Variants in DMD observed in about 807,000 individuals in gnomAD.
DMD encodes dystrophin.
A neutral mutation model predicts 330.1 loss-of-function variants in DMD; 63 were observed. The ratio of observed to expected loss-of-function variants is 0.19; its 90% CI spans 0.16 to 0.24. The LOEUF is 0.24. Ranked by LOEUF, DMD falls within the 10% of genes least tolerant of loss-of-function variation. The pLI, the probability that DMD is intolerant of heterozygous loss-of-function variation, is 1.00. For missense variants in DMD, 3,344 were observed against 2,684.1 expected, an observed-to-expected ratio of 1.25 and a Z score of -5.43; for synonymous variants, 1,223 against 959.8, an observed-to-expected ratio of 1.27 and a Z score of -5.07.
chrX:32,681,665 C>A (rs192677915), intron 9 of DMD, among the ~76,000 whole-genome samples: 1 of 111,647 alleles, frequency 9.0e-6, no homozygotes, highest in African/African-American at 3.3e-5. Flanking sequence ...ATAAAAGAAA[C>A]GTGATGCTTT....
rs188561525 is a variant in DMD, at chrX:31,778,085, C to A, written c.7310-3893G>T. Among the ~76,000 whole-genome samples, 39 of 112,521 alleles carry A rather than the reference C, an allele frequency of 3.5e-4. No individual in the cohort carries two copies. The East Asian group carries it at 0.01, about 29-fold the overall frequency. ...TTCTCTCCTGTTTCCAGACAAAAAT[C>A]TCATTTTCTCTTTAAATGTCAACTC... On this transcript the variant is annotated intron_variant, in intron 50 of 78. Coordinates refer to ENST00000357033, the MANE Select transcript of DMD (RefSeq NM_004006.3).
chrX:31,380,842 A>C (rs1220612647), intron 60 of DMD, among the ~76,000 whole-genome samples: 2 of 109,706 alleles, frequency 1.8e-5, no homozygotes, highest in African/African-American at 6.6e-5. Flanking sequence ...AGGCTCAGCA[A>C]ATTACCTGGG....
At chrX:32,857,695 A>G (rs1222973535) in intron 2 of DMD, among the ~76,000 whole-genome samples, 1 of 111,858 alleles carries the variant, frequency 8.9e-6, no homozygotes, top group Non-Finnish European at 1.9e-5. Flanking sequence ...GTTTATTCAA[A>G]AAGAGGAGCA....
At chrX:32,651,669 A>G (rs1287298245) in intron 9 of DMD, among the ~76,000 whole-genome samples, 1 of 111,552 alleles carries the variant, frequency 9.0e-6, no homozygotes, top group Non-Finnish European at 1.9e-5. Context: ...CCCAGATGGT[A>G]GTACAGACCC....
At chrX:32,086,916 C>T (rs140115968) in intron 44 of DMD, among the ~76,000 whole-genome samples, 3 of 111,700 alleles carry the variant, frequency 2.7e-5, no homozygotes, top group Non-Finnish European at 3.8e-5. Flanking sequence ...TCTGTGAACA[C>T]GTCATATATA....
intron 60 of DMD, among the ~76,000 whole-genome samples, chrX:31,439,682 G>C (rs755039832): frequency 1.8e-5 from 2 of 111,607 alleles, no homozygotes; most frequent in Admixed American, 9.5e-5. Flanking sequence ...GCTATTTGTG[G>C]GTTTACTCAT....
intron 51 of DMD, among the ~76,000 whole-genome samples, chrX:31,767,238 A>G (rs1030891454): frequency 7.1e-5 from 8 of 111,967 alleles, no homozygotes; most frequent in African/African-American, 2.6e-4. Context: ...AAATGAAATG[A>G]TGAGATGAGA....
intron 41 of DMD, among the ~76,000 whole-genome samples, chrX:32,314,834 C>T (rs755387761): frequency 9.0e-5 from 10 of 111,515 alleles, no homozygotes; most frequent in Admixed American, 6.7e-4. Context: ...AAAACCACAA[C>T]GAGATAGCAT....
At chrX:33,007,848 C>T (rs974789741) in intron 2 of DMD, among the ~76,000 whole-genome samples, 6 of 111,605 alleles carry the variant, frequency 5.4e-5, no homozygotes, top group Non-Finnish European at 1.1e-4. Flanking sequence ...CTCTGACTGA[C>T]ATAATAACTG....
At chrX:31,298,410 T>TACACACACACACACACATACACACAC (rs2054358362) in intron 62 of DMD, among the ~76,000 whole-genome samples, 1 of 97,860 alleles carries the variant, frequency 1.0e-5, no homozygotes, top group Non-Finnish European at 2.0e-5. Flanking sequence ...CACACACACA[T>TACACACACACACACACATACACACAC]ACACACACAC....
chrX:31,552,565 G>A (rs905124260), intron 55 of DMD, among the ~76,000 whole-genome samples: 3 of 111,208 alleles, frequency 2.7e-5, no homozygotes. Context: ...TTTTATTAGG[G>A]AGTGCAGGCC....
chrX:31,720,919 CTT>C (rs1477319897), intron 52 of DMD, among the ~76,000 whole-genome samples: 1 of 111,251 alleles, frequency 9.0e-6, no homozygotes, highest in Admixed American at 9.6e-5. Flanking sequence ...TATTAATCCT[CTT>C]AATTTAAAAA....
chrX:32,584,714 G>C (rs2054032751), intron 13 of DMD, among the ~76,000 whole-genome samples: 1 of 112,006 alleles, frequency 8.9e-6, no homozygotes, highest in Non-Finnish European at 1.9e-5. Flanking sequence ...AATATAGCAA[G>C]ACTAACCTGC....
At chrX:32,924,664 A>G (rs2088796868) in intron 2 of DMD, among the ~76,000 whole-genome samples, 2 of 112,467 alleles carry the variant, frequency 1.8e-5, no homozygotes, top group Non-Finnish European at 1.9e-5. Flanking sequence ...TTTATGTTTT[A>G]AAATACACTG....
chrX:31,653,334 T>C (rs1043852929), intron 54 of DMD, among the ~76,000 whole-genome samples: 38 of 111,808 alleles, frequency 3.4e-4, no homozygotes, highest in Non-Finnish European at 3.0e-4. Flanking sequence ...TGTATGTATA[T>C]GCATGCATAT....
intron 44 of DMD, among the ~76,000 whole-genome samples, chrX:32,035,213 G>A (rs761073388): frequency 9.0e-6 from 1 of 111,344 alleles, no homozygotes; most frequent in African/African-American, 3.3e-5. Context: ...GACGACAAAA[G>A]CATCATTTTA....
intron 43 of DMD, among the ~76,000 whole-genome samples, chrX:32,236,610 G>C (rs2097188870): frequency 9.0e-6 from 1 of 111,282 alleles, no homozygotes; most frequent in Non-Finnish European, 1.9e-5. Flanking sequence ...AGATCTGATG[G>C]TTTTATAAAG....
chrX:31,382,308 T>A (rs2148728732), intron 60 of DMD, among the ~76,000 whole-genome samples: 1 of 111,402 alleles, frequency 9.0e-6, no homozygotes, highest in East Asian at 2.9e-4. Context: ...TAGGCCCCAG[T>A]CTCATTCCAG....
chrX:32,747,973 T>A (rs1259242629), intron 7 of DMD, among the ~76,000 whole-genome samples: 1 of 111,854 alleles, frequency 8.9e-6, no homozygotes, highest in Non-Finnish European at 1.9e-5. Flanking sequence ...TTAATAATGG[T>A]AGAAGCTACT....
Sources: gnomAD v4.1 joint callset for allele counts (sites outside exome capture counted in the v4.1 genomes callset) on GRCh38, gnomAD v4.1.1 for gene constraint, MANE v1.5 for transcripts, NCBI Gene and HGNC (gene_info 2026-07-23, HGNC 2026-07-21) for gene names.